Variants in IL1RAP observed in about 807,000 individuals in gnomAD.
The protein encoded by IL1RAP is interleukin-1 receptor accessory protein.
In IL1RAP, 35 loss-of-function variants were observed where a neutral mutation model predicts 60.7. The observed-to-expected ratio is 0.58, with a 90% CI of 0.44 to 0.76. The LOEUF (loss-of-function observed/expected upper bound fraction) is 0.76, where lower values mean the gene tolerates loss of function less well. Among genes scored for constraint, IL1RAP ranks in the 30% least tolerant of loss-of-function variants. The pLI is 0.00. For synonymous variants in IL1RAP, 268 were observed against 250.9 expected (o/e 1.07, Z -0.64); for missense variants, 572 against 693.9 (o/e 0.82, Z 1.97).
At chr3:190,585,822 G>C (rs1215128640) in intron 3 of IL1RAP, among the ~76,000 whole-genome samples, 1 of 151,082 alleles carries the variant, frequency 6.6e-6, no homozygotes, top group African/African-American at 2.4e-5. Flanking sequence ...CAAAAAAAAA[G>C]AAAAAAAGAA....
chr3:190,550,518 A>G (rs1049328958), intron 1 of IL1RAP: 1 of 152,334 alleles, frequency 6.6e-6, no homozygotes, highest in African/African-American at 2.4e-5. Flanking sequence ...GGGTATAGTT[A>G]TGCTTGCTAA....
At chr3:190,527,684 ATTTTTT>A (rs58914187) in intron 1 of IL1RAP, among the ~76,000 whole-genome samples, 1 of 112,942 alleles carries the variant, frequency 8.9e-6, no homozygotes. Flanking sequence ...GCTTGTTTAC[ATTTTTT>A]TTTTTTTTTT....
chr3:190,636,133 T>C (rs1221001903), intron 9 of IL1RAP, among the ~76,000 whole-genome samples: 2 of 152,238 alleles, frequency 1.3e-5, no homozygotes, highest in Admixed American at 1.3e-4. Flanking sequence ...ATTTGCAGAC[T>C]GCCTATCTTG....
At chr3:190,582,484 A>T (rs145631178) in intron 3 of IL1RAP, among the ~76,000 whole-genome samples, 1,882 of 151,844 alleles carry the variant, frequency 0.012, 34 homozygotes, top group African/African-American at 0.04. Context: ...CACCCAGGCT[A>T]ATTTTGTATT....
intron 1 of IL1RAP, among the ~76,000 whole-genome samples, chr3:190,519,579 C>T (rs1270788546): frequency 1.3e-5 from 2 of 151,996 alleles, no homozygotes; most frequent in African/African-American, 2.4e-5. Context: ...CTCATATAAC[C>T]AGATTCGTAA....
intron 3 of IL1RAP, among the ~76,000 whole-genome samples, chr3:190,580,872 G>A (rs1032359079): frequency 6.6e-6 from 1 of 152,166 alleles, no homozygotes; most frequent in African/African-American, 2.4e-5. Context: ...GAGGTTATGT[G>A]TATGTTTATG....
intron 5 of IL1RAP, among the ~76,000 whole-genome samples, chr3:190,610,434 T>C (rs1216781438): frequency 1.3e-5 from 2 of 151,642 alleles, no homozygotes; most frequent in South Asian, 4.2e-4. Context: ...GAAGATAATC[T>C]AAGAGGAAGA....
chr3:190,535,696 A>T (rs945397600), intron 1 of IL1RAP, among the ~76,000 whole-genome samples: 4 of 152,212 alleles, frequency 2.6e-5, no homozygotes, highest in Admixed American at 2.6e-4. Flanking sequence ...CCAATTTTGT[A>T]ATTGTGGAAC....
chr3:190,521,985 TA>T (rs1376965636), intron 1 of IL1RAP, among the ~76,000 whole-genome samples: 1 of 152,146 alleles, frequency 6.6e-6, no homozygotes, highest in Non-Finnish European at 1.5e-5. Flanking sequence ...TTTGAGCTCT[TA>T]GTGCCCACAG....
At chr3:190,553,628 G>A (rs1441014215) in intron 1 of IL1RAP, among the ~76,000 whole-genome samples, 3 of 152,074 alleles carry the variant, frequency 2.0e-5, no homozygotes, top group African/African-American at 7.2e-5. Context: ...CCGTTTGCCC[G>A]TCCATCCGGA....
intron 1 of IL1RAP, among the ~76,000 whole-genome samples, chr3:190,534,913 TAAAAAAA>T (rs77663032): frequency 0.14 from 18,024 of 127,446 alleles, 1,273 homozygotes; most frequent in Middle Eastern, 0.27. Context: ...GTAAGAGAAT[TAAAAAAA>T]AAAAAAAAAA....
intron 9 of IL1RAP, among the ~76,000 whole-genome samples, chr3:190,637,041 G>A (rs1343348875): frequency 6.6e-6 from 1 of 151,960 alleles, no homozygotes; most frequent in Non-Finnish European, 1.5e-5. Flanking sequence ...TATTTTATGA[G>A]AAACTTACTA....
intron 3 of IL1RAP, among the ~76,000 whole-genome samples, chr3:190,587,158 TA>T (rs1464796650): frequency 1.3e-5 from 2 of 152,164 alleles, no homozygotes; most frequent in African/African-American, 2.4e-5. Flanking sequence ...TTATACGTGA[TA>T]AAACTGAATC....
intron 5 of IL1RAP, among the ~76,000 whole-genome samples, chr3:190,618,082 C>T (rs576106482): frequency 8.5e-5 from 13 of 152,152 alleles, no homozygotes; most frequent in African/African-American, 1.2e-4. Context: ...GTGATAGAGC[C>T]ACATCACGCT....
chr3:190,658,074 G>T (rs945943166), exon 12 of IL1RAP: 1 of 150,796 alleles, frequency 6.6e-6, no homozygotes, highest in Non-Finnish European at 1.5e-5. Context: ...AAAAAAAATG[G>T]GTAGCTTCTA....
Position 190,556,142 on chromosome 3 carries a change from GATC to G in IL1RAP, c.-71_-69del, listed in dbSNP as rs2108605995. On this transcript the variant is annotated 5_prime_UTR_variant, in exon 2 of 12. Transcript: ENST00000447382. ...TTTGTTTACATAGGCATCGTCATGT[GATC>G]ATCACCTAAGAACTAGAACATCAGC... 1 of 152,130 alleles carries G rather than the reference GATC, an allele frequency of 6.6e-6. No individual in the cohort carries two copies. Among genetic ancestry groups the G allele is most frequent in the South Asian group, 2.1e-4 (1 of 4,828 alleles). The allele number at this position is 152,130 out of a possible 1,614,324, so 9.4% of individuals were successfully genotyped here.
chr3:190,656,232 T>C, downstream of IL1RAP: 1 of 1,537,236 alleles, frequency 6.5e-7, no homozygotes, highest in Non-Finnish European at 8.7e-7. Context: ...CTTCCCAGTC[T>C]GACATCAGTC....
exon 12 of IL1RAP, chr3:190,656,937 A>G (rs959010291): frequency 5.1e-6 from 1 of 195,528 alleles, no homozygotes; most frequent in African/African-American, 2.3e-5. Flanking sequence ...TGAGTTGATC[A>G]ACCTCACATT....
chr3:190,609,882 G>A (rs1174471986), intron 5 of IL1RAP, among the ~76,000 whole-genome samples: 1 of 152,168 alleles, frequency 6.6e-6, no homozygotes, highest in Admixed American at 6.6e-5. Context: ...AAGTAACGTG[G>A]TGTCTGTCAG....
Sources: allele counts gnomAD v4.1 joint callset (sites outside exome capture counted in the v4.1 genomes callset), GRCh38; gene constraint gnomAD v4.1.1; transcripts MANE v1.5; gene names NCBI Gene and HGNC (gene_info 2026-07-23, HGNC 2026-07-21).